The following MOB4 variants were observed in gnomAD, a reference collection of about 807,000 sequenced individuals.
MOB4 encodes the protein MOB-like protein phocein.
Under a neutral mutation model 32.2 loss-of-function variants are expected in MOB4, and 4 were observed. The observed-to-expected ratio is 0.12, with a 90% confidence interval of 0.06 to 0.28. The LOEUF (loss-of-function observed/expected upper bound fraction) is 0.28, where lower values mean the gene tolerates loss of function less well. Ranked by LOEUF, MOB4 falls within the 10% of genes least tolerant of loss-of-function variation. MOB4 has a pLI of 1.00. For missense variants in MOB4, 158 were observed against 271.2 expected (o/e 0.58, Z 2.93); for synonymous variants, 88 against 88.1 (o/e 1.00, Z 0.01).
intron 3 of MOB4, 123 bp downstream of exon 3, chr2:197,535,753 T>C (rs2086786018): frequency 8.8e-7 from 1 of 1,132,028 alleles, no homozygotes; most frequent in Non-Finnish European, 1.3e-6. Context: ...TTTAAAGCTT[T>C]GGCATTTTCA....
chr2:197,528,546 A>G (rs1308212168), intron 2 of MOB4, among the ~76,000 whole-genome samples: 1 of 151,876 alleles, frequency 6.6e-6, no homozygotes, highest in Non-Finnish European at 1.5e-5. Flanking sequence ...TTATATTTAT[A>G]CCCAGATATT....
At position 197,516,118 on chromosome 2, in the gene MOB4, G is replaced by C; in HGVS notation, c.32G>C (p.Arg11Thr). The change falls in exon 1 of 8, where the codon AGG becomes ACG. Residue 11 changes from arginine to threonine, a missense_variant. Physicochemically the swap from Arg to Thr is moderately conservative, Grantham distance 71. This residue lies in a region of MOB4 where 41 missense variants were observed against 26.4 expected (regional missense o/e 1.55). Transcript: ENST00000323303. ...ATGGCGGAGGGGACGGCAGTGCTGAGGCGGAACAGGCCGGGCACCAAGGCG... is the reference window on the plus strand; with the variant it reads ...ATGGCGGAGGGGACGGCAGTGCTGACGCGGAACAGGCCGGGCACCAAGGCG... The part of the protein sequence containing the change: MVMAEGTAVL[R>T]RNRPGTKAQD... 2 of 1,604,532 alleles carry C rather than the reference G, an allele frequency of 1.2e-6. No individual in the cohort carries two copies. Among genetic ancestry groups the C allele is most frequent in the Non-Finnish European group, 1.7e-6 (2 of 1,176,620 alleles).
intron 2 of MOB4, among the ~76,000 whole-genome samples, chr2:197,534,799 T>A (rs909448188): frequency 2.0e-5 from 3 of 152,120 alleles, no homozygotes; most frequent in Non-Finnish European, 4.4e-5. Context: ...CACCTCGGCC[T>A]CCCAAAGTGC....
At chr2:197,520,848 A>T (rs1453624807) in intron 1 of MOB4, among the ~76,000 whole-genome samples, 1 of 141,488 alleles carries the variant, frequency 7.1e-6, no homozygotes, top group Non-Finnish European at 1.5e-5. Flanking sequence ...GTTTGTGACC[A>T]GGAGTTTGAG....
At chr2:197,549,881 A>G (rs13013303) in intron 6 of MOB4, among the ~76,000 whole-genome samples, 1 of 148,982 alleles carries the variant, frequency 6.7e-6, no homozygotes, top group Non-Finnish European at 1.5e-5. Context: ...AAAAAAAAAG[A>G]AAAGAAAAGG....
intron 2 of MOB4, among the ~76,000 whole-genome samples, chr2:197,525,120 C>T (rs763442721): frequency 1.1e-4 from 16 of 152,038 alleles, no homozygotes; most frequent in East Asian, 1.9e-4. Context: ...CCAAGGCGAG[C>T]GGATCACCAG....
At chr2:197,515,971 G>A (rs1466423792), upstream of MOB4, 6 of 1,112,210 alleles carry the variant, frequency 5.4e-6, no homozygotes, top group Non-Finnish European at 7.8e-6. Flanking sequence ...GGCTGCAGCT[G>A]TTCCGTCAGC....
At chr2:197,521,606 T>C (rs1424181057) in intron 1 of MOB4, among the ~76,000 whole-genome samples, 1 of 152,142 alleles carries the variant, frequency 6.6e-6, no homozygotes, top group Non-Finnish European at 1.5e-5. Context: ...GTTTCGACCA[T>C]AGAAGACGGC....
At chr2:197,520,872 A>G (rs2106103654) in intron 1 of MOB4, among the ~76,000 whole-genome samples, 1 of 150,340 alleles carries the variant, frequency 6.7e-6, no homozygotes, top group African/African-American at 2.5e-5. Flanking sequence ...AACCTGGCCA[A>G]CAAAGTGAGA....
Position 197,550,679 on chromosome 2 carries a change from A to C in MOB4, c.*33A>C. The C allele has an allele frequency of 6.4e-7, 1 of 1,561,470 alleles. No homozygotes were observed. Among genetic ancestry groups the C allele is most frequent in the Non-Finnish European group, 8.6e-7 (1 of 1,160,978 alleles). Reference sequence around the variant, plus strand: ...CATAGGAAAAATGTACTGATCATATAATTAACATTATGTACTGTATATATC... The same window carrying C: ...CATAGGAAAAATGTACTGATCATATCATTAACATTATGTACTGTATATATC... On this transcript the variant is annotated 3_prime_UTR_variant, in exon 8 of 8. Coordinates refer to ENST00000323303, the MANE Select transcript of MOB4 (RefSeq NM_015387.5).
At chr2:197,518,391 T>C (rs1369080782) in intron 1 of MOB4, among the ~76,000 whole-genome samples, 1 of 151,934 alleles carries the variant, frequency 6.6e-6, no homozygotes, top group Admixed American at 6.6e-5. Flanking sequence ...TGCCTCAGCC[T>C]CCCGAGTAGC....
At chr2:197,535,883 T>G (rs1206253270) in intron 3 of MOB4, among the ~76,000 whole-genome samples, 1 of 151,116 alleles carries the variant, frequency 6.6e-6, no homozygotes, top group African/African-American at 2.4e-5. Context: ...CCTCTGCACC[T>G]CTCTTCTTTT....
At chr2:197,550,069 A>G (rs986832299) in intron 6 of MOB4, among the ~76,000 whole-genome samples, 2 of 152,204 alleles carry the variant, frequency 1.3e-5, no homozygotes, top group African/African-American at 4.8e-5. Flanking sequence ...TGCTGAATTT[A>G]AGTTAGGCCC....
intron 5 of MOB4, among the ~76,000 whole-genome samples, chr2:197,546,525 G>A (rs2086996527): frequency 6.6e-6 from 1 of 152,084 alleles, no homozygotes; most frequent in African/African-American, 2.4e-5. Flanking sequence ...CTTCTTGGTA[G>A]CTGGGACTAC....
At chr2:197,536,857 A>G (rs1230182362) in intron 3 of MOB4, among the ~76,000 whole-genome samples, 39 of 151,440 alleles carry the variant, frequency 2.6e-4, no homozygotes, top group Non-Finnish European at 7.4e-5. Flanking sequence ...CAGCCTCCCA[A>G]AGTGCTGGGA....
At chr2:197,516,010 C>G, upstream of MOB4, 2 of 1,440,322 alleles carry the variant, frequency 1.4e-6, no homozygotes, top group Non-Finnish European at 1.9e-6. Context: ...ACGCAGAGCG[C>G]CGCTCTGCCC....
intron 3 of MOB4, among the ~76,000 whole-genome samples, chr2:197,539,306 A>G (rs1240514166): frequency 1.4e-5 from 2 of 144,954 alleles, no homozygotes; most frequent in African/African-American, 5.2e-5. Context: ...CCTCAGTGCA[A>G]TTGTAATGTA....
At chr2:197,516,459 G>GC (rs1325595924) in intron 1 of MOB4, 1 of 1,162,966 alleles carries the variant, frequency 8.6e-7, no homozygotes, top group Non-Finnish European at 1.1e-6. Context: ...TTGCCCCTGA[G>GC]CCCCAGCTGA....
At position 197,551,287 on chromosome 2, in the gene MOB4, A is replaced by G. The variant is rs866148498; in HGVS notation, c.*641A>G. The G allele has an allele frequency of 6.5e-6, 1 of 152,676 alleles. No individual in the cohort carries two copies. Among genetic ancestry groups the G allele is most frequent in the Non-Finnish European group, 1.5e-5 (1 of 68,028 alleles). The allele number at this position is 152,676 out of a possible 1,614,324, so 9.5% of individuals were successfully genotyped here. ...CCGTTCTGCAACAACGGACTGGTACATACAGGATGATCACAATGGTAAGGC... is the reference window on the plus strand; with the variant it reads ...CCGTTCTGCAACAACGGACTGGTACGTACAGGATGATCACAATGGTAAGGC... On this transcript the variant is annotated 3_prime_UTR_variant, in exon 8 of 8. Transcript: ENST00000323303.
Sources: gnomAD v4.1 joint callset for allele counts (sites outside exome capture counted in the v4.1 genomes callset) on GRCh38, gnomAD v4.1.1 for gene constraint, gnomAD v4.1.1 regional missense constraint, MANE v1.5 for transcripts, NCBI Gene and HGNC (gene_info 2026-07-23, HGNC 2026-07-21) for gene names.